Variants in L1CAM observed in about 807,000 individuals in gnomAD.
The protein encoded by L1CAM is neural cell adhesion molecule L1.
A neutral mutation model predicts 93.0 loss-of-function variants in L1CAM; 8 were observed. That is an observed-to-expected ratio of 0.09 (90% CI 0.05 to 0.16). The LOEUF is 0.16. Ranked by LOEUF, L1CAM falls within the 10% of genes least tolerant of loss-of-function variation. The pLI, the probability that L1CAM is intolerant of heterozygous loss-of-function variation, is 1.00. For synonymous variants in L1CAM, 453 were observed against 453.0 expected (o/e 1.00, Z 0.00); for missense variants, 777 against 1,073.4 (o/e 0.72, Z 3.86).
In L1CAM at chrX:153,870,818, C is replaced by T. The variant is rs782615469; in HGVS notation, c.666G>A (p.Lys222=). The change falls in exon 7 of 29, where the codon AAG becomes AAA. Residue 222 remains lysine, a synonymous_variant. Coordinates refer to ENST00000370060, the MANE Select transcript of L1CAM (RefSeq NM_001278116.2). ...CCTTGACCCGGAGGTCAATGGGTTC[C>T]TTCTGAATGATGGTCCTGGTGCCTG... is the stretch of plus-strand genomic sequence containing the variant. ...HFPGTRTIIQ[K]EPIDLRVKAT... 5 of 1,209,271 alleles carry T rather than the reference C, an allele frequency of 4.1e-6. No individual in the cohort carries two copies. The South Asian group carries it at 8.8e-5, about 21-fold the overall frequency.
At chrX:153,881,897 G>A (rs1239863243) in intron 1 of L1CAM, among the ~76,000 whole-genome samples, 1 of 111,520 alleles carries the variant, frequency 9.0e-6, no homozygotes, top group Non-Finnish European at 1.9e-5. Flanking sequence ...CAGGCCCCAG[G>A]CCTCCTCAGG....
At chrX:153,863,282 G>A (rs1449826525) in intron 28 of L1CAM, 86 bp downstream of exon 28, 12 of 1,042,681 alleles carry the variant, frequency 1.2e-5, no homozygotes, top group East Asian at 6.3e-5. Context: ...TCAGAGCCCC[G>A]GCAGCCAGGG....
chrX:153,870,264 G>C lies in L1CAM; in HGVS notation c.807-24C>G, dbSNP rs782809879. The C allele has an allele frequency of 1.8e-5, 22 of 1,201,553 alleles. No homozygotes were observed. The Admixed American group carries it at 4.8e-4, about 26-fold the overall frequency. On this transcript the variant is annotated intron_variant, in intron 8 of 28. Transcript: ENST00000370060. Reference sequence around the variant, plus strand: ...GACTGCCCGGGAGGCAAAGGGAAGAGAGCAGAAGGGAGAAAGGACAAGGCC... The same window carrying C: ...GACTGCCCGGGAGGCAAAGGGAAGACAGCAGAAGGGAGAAAGGACAAGGCC...
chrX:153,880,476 T>G (rs1800256271), intron 1 of L1CAM: 1 of 230,652 alleles, frequency 4.3e-6, no homozygotes, highest in African/African-American at 3.0e-5. Flanking sequence ...TGGGCCAGAG[T>G]GGGGGTGGGG....
intron 14 of L1CAM, 53 bp downstream of exon 14, chrX:153,868,249 T>C (rs1557091738): frequency 8.3e-7 from 1 of 1,205,347 alleles, no homozygotes; most frequent in East Asian, 3.0e-5. Context: ...GGCCAAGAGG[T>C]CTGGACTTCC....
At chrX:153,875,546 C>T (rs782062699) in intron 2 of L1CAM, 2 of 505,910 alleles carry the variant, frequency 4.0e-6, no homozygotes, top group South Asian at 2.5e-5. Flanking sequence ...CCGCGCCTGT[C>T]CCTGTCCATG....
Position 153,885,799 on chromosome X carries a change from C to A in L1CAM, c.-109+266G>T, listed in dbSNP as rs1221813994. 1.3e-5 allele frequency: 10 copies of A among 780,370 alleles called. No individual in the cohort carries two copies. In the Admixed American group the frequency reaches 9.6e-4, roughly 75 times the overall value. 64.3% of individuals were successfully genotyped at this position (780,370 alleles called of 1,213,427 possible). On this transcript the variant is annotated intron_variant, in intron 1 of 28. Coordinates refer to ENST00000370060, the MANE Select transcript of L1CAM (RefSeq NM_001278116.2). Reference sequence around the variant, plus strand: ...TGCCTGACGCCCCCCGCCCTGTTCTCCCGCCCAGGCCAGCATCTGGGGCCC... The same window carrying A: ...TGCCTGACGCCCCCCGCCCTGTTCTACCGCCCAGGCCAGCATCTGGGGCCC...
chrX:153,868,471 C>G lies in L1CAM; in HGVS notation c.1547-13G>C, dbSNP rs782817251. ...ATCTGAGTTGCATCTGAGGGTAATG[C>G]GTGCGTGGGGAAGTCACTCTGTTGT... On this transcript the variant is annotated splice_polypyrimidine_tract_variant and intron_variant, in intron 13 of 28. Coordinates refer to ENST00000370060, the MANE Select transcript of L1CAM (RefSeq NM_001278116.2). The G allele has an allele frequency of 8.3e-7, 1 of 1,210,497 alleles. No individual in the cohort carries two copies.
At chrX:153,884,598 G>C (rs1208009758) in intron 1 of L1CAM, 1 of 178,400 alleles carries the variant, frequency 5.6e-6, no homozygotes, top group Non-Finnish European at 1.1e-5. Flanking sequence ...GAAATGACCA[G>C]GAGCCAAGGA....
chrX:153,882,582 G>T (rs1271104952), intron 1 of L1CAM, among the ~76,000 whole-genome samples: 1 of 109,243 alleles, frequency 9.2e-6, no homozygotes, highest in Non-Finnish European at 1.9e-5. Flanking sequence ...CAGATAGGAA[G>T]TCTGCCTGGC....
At position 153,876,002 on chromosome X, in the gene L1CAM, G is replaced by A. The variant is rs922104821; in HGVS notation, c.-108-58C>T. 1.6e-5 allele frequency: 8 copies of A among 493,363 alleles called. No individual in the cohort carries two copies. The East Asian group carries it at 2.6e-4, about 16-fold the overall frequency. 40.7% of individuals were successfully genotyped at this position (493,363 alleles called of 1,213,427 possible). A position where few individuals can be genotyped will look rare whatever the true frequency, so the allele number is the denominator to read the frequency against. Reference sequence around the variant, plus strand: ...GGGAAGAGAGACGAGAGAACGGAAGGACGTTAGTGACTAACATCTGGGTAA... The same window carrying A: ...GGGAAGAGAGACGAGAGAACGGAAGAACGTTAGTGACTAACATCTGGGTAA... On this transcript the variant is annotated intron_variant, in intron 1 of 28. Coordinates refer to ENST00000370060, the MANE Select transcript of L1CAM (RefSeq NM_001278116.2).
intron 1 of L1CAM, chrX:153,880,218 C>G (rs1184142404): frequency 1.6e-5 from 2 of 124,460 alleles, no homozygotes; most frequent in East Asian, 5.5e-4. Context: ...CTGGCTAGAC[C>G]TGGAGTGACT....
At chrX:153,884,780 C>T (rs782453134) in intron 1 of L1CAM, among the ~76,000 whole-genome samples, 93 of 112,820 alleles carry the variant, frequency 8.2e-4, no homozygotes, top group African/African-American at 2.9e-3. Context: ...AAGGAGCTGA[C>T]GGGAGGGGAG....
chrX:153,883,167 C>T (rs2064854774), intron 1 of L1CAM, among the ~76,000 whole-genome samples: 1 of 111,465 alleles, frequency 9.0e-6, no homozygotes, highest in African/African-American at 3.3e-5. Context: ...ACCTCAGGGC[C>T]CTCAAGGGTG....
At chrX:153,885,462 G>T (rs781905009) in intron 1 of L1CAM, 1 of 939,515 alleles carries the variant, frequency 1.1e-6, no homozygotes, top group South Asian at 2.0e-5. Flanking sequence ...CCCAGGCTGG[G>T]ATTTGGAAAG....
intron 16 of L1CAM, 94 bp from the exon 17 acceptor site, chrX:153,867,647 C>T (rs1288318710): frequency 7.2e-6 from 7 of 975,279 alleles, no homozygotes; most frequent in African/African-American, 1.9e-5. Context: ...CCCTGATTAC[C>T]CAGGCCAACT....
intron 25 of L1CAM, 134 bp downstream of exon 25, chrX:153,864,188 G>C: frequency 3.0e-6 from 3 of 1,006,820 alleles, no homozygotes; most frequent in Non-Finnish European, 4.2e-6. Context: ...GGGACACCCA[G>C]ATTCTGGGAG....
intron 26 of L1CAM, 139 bp downstream of exon 26, chrX:153,863,744 C>T: frequency 1.1e-6 from 1 of 949,741 alleles, no homozygotes; most frequent in South Asian, 2.1e-5. Flanking sequence ...GAGGATGATC[C>T]CCCTGCCTGC....
chrX:153,861,770 A>G lies in L1CAM; in HGVS notation c.*893T>C, dbSNP rs201042956. 10 of 109,284 alleles carry G rather than the reference A, an allele frequency of 9.2e-5. No individual in the cohort carries two copies. The highest frequency in any genetic ancestry group is 3.0e-4 in the African/African-American group (9 of 30,004). 9.0% of individuals were successfully genotyped at this position (109,284 alleles called of 1,213,427 possible). A position where few individuals can be genotyped will look rare whatever the true frequency, so the allele number is the denominator to read the frequency against. On this transcript the variant is annotated 3_prime_UTR_variant, in exon 29 of 29. Transcript: ENST00000370060. ...TAGGGACTCAGACATCTGCCTACAC[A>G]CTAGTGGCGTAAAGGGAAGGACAGG... is the stretch of plus-strand genomic sequence containing the variant.
Sources: gnomAD v4.1 joint callset for allele counts (sites outside exome capture counted in the v4.1 genomes callset) on GRCh38, gnomAD v4.1.1 for gene constraint, MANE v1.5 for transcripts, NCBI Gene and HGNC (gene_info 2026-07-23, HGNC 2026-07-21) for gene names.